Variants in AGAP1 observed in about 807,000 individuals in gnomAD.
AGAP1 encodes ArfGAP with GTPase domain, ankyrin repeat and PH domain 1.
A neutral mutation model predicts 105.3 loss-of-function variants in AGAP1; 29 were observed. That is an observed-to-expected ratio of 0.28 (90% CI 0.21 to 0.38). The LOEUF is 0.38. Among genes scored for constraint, AGAP1 ranks in the 10% least tolerant of loss-of-function variants. The pLI is 1.00. For synonymous variants in AGAP1, 509 were observed against 485.9 expected, an observed-to-expected ratio of 1.05 and a Z score of -0.63; for missense variants, 998 against 1,165.1, an observed-to-expected ratio of 0.86 and a Z score of 2.09.
chr2:235,613,979 A>T (rs947560966), intron 1 of AGAP1, among the ~76,000 whole-genome samples: 1 of 150,048 alleles, frequency 6.7e-6, no homozygotes, highest in Non-Finnish European at 1.5e-5. Context: ...AATATTGTGC[A>T]TGAGTCAGAA....
At chr2:235,807,728 C>T (rs878978722) in intron 9 of AGAP1, among the ~76,000 whole-genome samples, 6 of 152,176 alleles carry the variant, frequency 3.9e-5, no homozygotes, top group Non-Finnish European at 5.9e-5. Flanking sequence ...CTCTCACAGA[C>T]GGACATCTGA....
intron 1 of AGAP1, among the ~76,000 whole-genome samples, chr2:235,695,459 A>G (rs772683050): frequency 2.6e-5 from 4 of 152,162 alleles, no homozygotes; most frequent in Non-Finnish European, 4.4e-5. Context: ...ACGGGTGTTT[A>G]TATGTCGTCT....
Position 235,847,047 on chromosome 2 carries a change from G to C in AGAP1, c.1051-36298G>C, listed in dbSNP as rs567083089. ...ACATGTTGAGCAAAATGCTAGGAGG[G>C]TGGTGCAGAGGCCACCGTGGCAGTC... On this transcript the variant is annotated intron_variant, in intron 9 of 17. Transcript: ENST00000304032. Among the ~76,000 whole-genome samples, 40 of 152,330 alleles carry C rather than the reference G, an allele frequency of 2.6e-4. 1 individual carries two copies. In the South Asian group the frequency reaches 8.3e-3, roughly 32 times the overall value.
chr2:235,778,637 G>T (rs1054219933), intron 6 of AGAP1, among the ~76,000 whole-genome samples: 1 of 152,174 alleles, frequency 6.6e-6, no homozygotes, highest in Non-Finnish European at 1.5e-5. Flanking sequence ...TGGCTCCCCT[G>T]ACTGGAGACG....
intron 8 of AGAP1, among the ~76,000 whole-genome samples, chr2:235,802,980 G>GTGGTTGTGA (rs1957608938): frequency 9.5e-4 from 2 of 2,104 alleles, no homozygotes; most frequent in Non-Finnish European, 2.9e-3. Flanking sequence ...GGTTGTGGTT[G>GTGGTTGTGA]TGATGGTTGT....
intron 16 of AGAP1, among the ~76,000 whole-genome samples, chr2:236,063,258 T>A (rs2058255370): frequency 6.6e-6 from 1 of 151,200 alleles, no homozygotes; most frequent in Non-Finnish European, 1.5e-5. Context: ...AATGGCTAAT[T>A]TTTGTATATT....
intron 1 of AGAP1, among the ~76,000 whole-genome samples, chr2:235,573,022 TTC>T (rs1399259070): frequency 0.22 from 7,159 of 32,152 alleles, 1,004 homozygotes; most frequent in African/African-American, 0.42. Context: ...CTTCTTCTTC[TTC>T]TTCTTCTTCT....
intron 16 of AGAP1, among the ~76,000 whole-genome samples, chr2:236,103,209 C>G (rs974682558): frequency 1.3e-4 from 20 of 152,210 alleles, no homozygotes; most frequent in Admixed American, 3.3e-4. Context: ...CCGGCCTCAC[C>G]TCCGCCCACT....
At chr2:235,812,700 C>A (rs1958219770) in intron 9 of AGAP1, among the ~76,000 whole-genome samples, 1 of 152,186 alleles carries the variant, frequency 6.6e-6, no homozygotes, top group Non-Finnish European at 1.5e-5. Flanking sequence ...TGGCAGTGCC[C>A]TTCCTTCAGG....
Position 235,988,501 on chromosome 2 carries a change from C to G in AGAP1, c.1645+19878C>G, listed in dbSNP as rs986218915. Among the ~76,000 whole-genome samples the G allele has an allele frequency of 6.6e-6, 1 of 152,060 alleles. No homozygotes were observed. Among genetic ancestry groups the G allele is most frequent in the Non-Finnish European group, 1.5e-5 (1 of 68,026 alleles). ...TCAGGAAGTGATTTCTGAACTTTAG[C>G]GTAAGTGTTCTCTGGCAGGTATGGC... On this transcript the variant is annotated intron_variant, in intron 13 of 17. Coordinates refer to ENST00000304032, the MANE Select transcript of AGAP1 (RefSeq NM_001037131.3). The surrounding 1 kb of genome is among the most constrained non-coding windows in gnomAD (Gnocchi z 4.7).
chr2:235,640,892 T>G (rs763586907), intron 1 of AGAP1, among the ~76,000 whole-genome samples: 1 of 152,202 alleles, frequency 6.6e-6, no homozygotes, highest in Non-Finnish European at 1.5e-5. Context: ...GAGTCCTGAC[T>G]GCTTTCACTC....
At chr2:235,590,712 T>TGTGTGTGTGCGC (rs369129304) in intron 1 of AGAP1, among the ~76,000 whole-genome samples, 18 of 117,026 alleles carry the variant, frequency 1.5e-4, no homozygotes, top group African/African-American at 4.7e-4. Context: ...TGTGTGTGTG[T>TGTGTGTGTGCGC]GCATTTTTTT....
chr2:235,809,318 T>C (rs1051483578), intron 9 of AGAP1, among the ~76,000 whole-genome samples: 1 of 152,190 alleles, frequency 6.6e-6, no homozygotes, highest in Non-Finnish European at 1.5e-5. Context: ...CTTTCGATTG[T>C]GAATGTTCAA....
chr2:235,558,645 C>T (rs1944049246), intron 1 of AGAP1, among the ~76,000 whole-genome samples: 1 of 152,154 alleles, frequency 6.6e-6, no homozygotes, highest in Non-Finnish European at 1.5e-5. Context: ...CTGGTTTTCC[C>T]ATAGGAACAA....
rs1042672863 is a variant in AGAP1, at chr2:235,551,188, T to C, written c.163+56339T>C. Among the ~76,000 whole-genome samples, 2 of 152,228 alleles carry C rather than the reference T, an allele frequency of 1.3e-5. No individual in the cohort carries two copies. Among genetic ancestry groups the C allele is most frequent in the African/African-American group, 2.4e-5 (1 of 41,466 alleles). ...TGTGAGTTGGTTGCTTGATGTCATC[T>C]GAGGTGGGGCCACCCGGGAAAGGTC... is the stretch of plus-strand genomic sequence containing the variant. On this transcript the variant is annotated intron_variant, in intron 1 of 17. Transcript: ENST00000304032. This position sits in a 1 kb window ranked among gnomAD's most constrained non-coding sequence, Gnocchi z 4.8.
At chr2:235,510,885 A>G (rs902992170) in intron 1 of AGAP1, among the ~76,000 whole-genome samples, 5 of 150,182 alleles carry the variant, frequency 3.3e-5, no homozygotes, top group Non-Finnish European at 7.4e-5. Flanking sequence ...CGCAAAATCC[A>G]AGGGAGCAGA....
chr2:235,774,478 C>A, intron 6 of AGAP1: 1 of 405,168 alleles, frequency 2.5e-6, no homozygotes, highest in Non-Finnish European at 5.1e-6. Flanking sequence ...GACCAGTAGG[C>A]TAATGGGAAA....
chr2:236,040,038 G>T lies in AGAP1; in HGVS notation c.1801-713G>T, dbSNP rs940889553. Among the ~76,000 whole-genome samples the T allele has an allele frequency of 2.0e-5, 3 of 152,026 alleles. No homozygotes were observed. Among genetic ancestry groups the T allele is most frequent in the Non-Finnish European group, 4.4e-5 (3 of 68,016 alleles). On this transcript the variant is annotated intron_variant, in intron 14 of 17. Coordinates refer to ENST00000304032, the MANE Select transcript of AGAP1 (RefSeq NM_001037131.3). This position sits in a 1 kb window ranked among gnomAD's most constrained non-coding sequence, Gnocchi z 5.6. Reference sequence around the variant, plus strand: ...AGGCAGGAGGATCACTTGAGCCCACGAGTTCAAGGCTGCAGTGAGCTATGA... The same window carrying T: ...AGGCAGGAGGATCACTTGAGCCCACTAGTTCAAGGCTGCAGTGAGCTATGA...
chr2:235,771,992 TTCTTA>T (rs1213194969), intron 6 of AGAP1, among the ~76,000 whole-genome samples: 1 of 139,222 alleles, frequency 7.2e-6, no homozygotes, highest in Non-Finnish European at 1.6e-5. Context: ...TTTTTTTCTT[TTCTTA>T]TCTTTTTTTT....
Sources: allele counts gnomAD v4.1 joint callset (sites outside exome capture counted in the v4.1 genomes callset), GRCh38; gene constraint gnomAD v4.1.1; non-coding constraint Gnocchi (gnomAD v3.1); transcripts MANE v1.5; gene names NCBI Gene and HGNC (gene_info 2026-07-23, HGNC 2026-07-21).